The following TPTE variants were observed in gnomAD, a reference collection of about 807,000 sequenced individuals.
The protein encoded by TPTE is putative tyrosine-protein phosphatase TPTE.
Under a neutral mutation model 84.1 loss-of-function variants are expected in TPTE, and 59 were observed. That is an observed-to-expected ratio of 0.70 (90% CI 0.57 to 0.87). The LOEUF (loss-of-function observed/expected upper bound fraction) is 0.87, where lower values mean the gene tolerates loss of function less well. Ranked by LOEUF, TPTE falls within the 40% of genes least tolerant of loss-of-function variation. The pLI, the probability that TPTE is intolerant of heterozygous loss-of-function variation, is 0.00. For synonymous variants in TPTE, 130 were observed against 223.5 expected, an observed-to-expected ratio of 0.58 and a Z score of 3.73; for missense variants, 382 against 659.6, an observed-to-expected ratio of 0.58 and a Z score of 4.61.
intron 11 of TPTE, among the ~76,000 whole-genome samples, chr21:10,569,055 C>T (rs2074984843): frequency 6.6e-6 from 1 of 152,308 alleles, no homozygotes; most frequent in South Asian, 2.1e-4. Context: ...TCTTAAATCC[C>T]AAAATTAAAT....
At chr21:10,564,597 C>T (rs1275732292) in intron 10 of TPTE, among the ~76,000 whole-genome samples, 6 of 152,420 alleles carry the variant, frequency 3.9e-5, no homozygotes, top group Non-Finnish European at 7.3e-5. Context: ...ATGCAAAAAT[C>T]CTCAACAAGA....
intron 7 of TPTE, among the ~76,000 whole-genome samples, chr21:10,547,516 T>C (rs1235985158): frequency 6.6e-6 from 1 of 152,308 alleles, no homozygotes; most frequent in Non-Finnish European, 1.5e-5. Context: ...TTGCAAGCCC[T>C]CAGGCCAGTT....
chr21:10,594,525 T>TAGGAGA, intron 19 of TPTE, among the ~76,000 whole-genome samples: 1 of 152,312 alleles, frequency 6.6e-6, no homozygotes, highest in Non-Finnish European at 1.5e-5. Context: ...TTTTAAGTTG[T>TAGGAGA]AGGAGAAGGA....
intron 14 of TPTE, among the ~76,000 whole-genome samples, chr21:10,573,816 G>A (rs1365586564): frequency 6.6e-6 from 1 of 152,308 alleles, no homozygotes; most frequent in Non-Finnish European, 1.5e-5. Flanking sequence ...TCTCCAGTAG[G>A]CTACTTCAGG....
intron 1 of TPTE, among the ~76,000 whole-genome samples, chr21:10,523,588 A>T (rs2074026170): frequency 6.6e-6 from 1 of 152,304 alleles, no homozygotes; most frequent in South Asian, 2.1e-4. Context: ...ACTGAGAATG[A>T]TTTCCAATTT....
intron 7 of TPTE, among the ~76,000 whole-genome samples, chr21:10,547,884 A>G (rs1283477984): frequency 2.0e-5 from 3 of 152,426 alleles, no homozygotes; most frequent in Middle Eastern, 3.4e-3. Flanking sequence ...ATTCACTCTT[A>G]AGACAGCCAA....
intron 7 of TPTE, among the ~76,000 whole-genome samples, chr21:10,544,681 ATG>A (rs1362946577): frequency 6.6e-6 from 1 of 152,274 alleles, no homozygotes; most frequent in African/African-American, 2.4e-5. Context: ...ATCAGATTGT[ATG>A]GAGGCCCTGC....
intron 10 of TPTE, among the ~76,000 whole-genome samples, chr21:10,562,505 G>C (rs1245775832): frequency 6.6e-6 from 1 of 152,300 alleles, no homozygotes; most frequent in Non-Finnish European, 1.5e-5. Flanking sequence ...GAAACTCAAA[G>C]AAATTCAAGA....
intron 17 of TPTE, among the ~76,000 whole-genome samples, chr21:10,588,041 G>A (rs2075398617): frequency 6.6e-6 from 1 of 152,310 alleles, no homozygotes; most frequent in Non-Finnish European, 1.5e-5. Flanking sequence ...TAAAGACAGA[G>A]TTTCACTATG....
intron 5 of TPTE, among the ~76,000 whole-genome samples, chr21:10,541,433 G>A (rs1337493751): frequency 1.2e-4 from 19 of 152,390 alleles, no homozygotes; most frequent in African/African-American, 3.8e-4. Flanking sequence ...AGAACATGCC[G>A]CTGCATTCCA....
chr21:10,564,931 G>A (rs569324982), intron 10 of TPTE, among the ~76,000 whole-genome samples: 3 of 152,428 alleles, frequency 2.0e-5, no homozygotes, highest in African/African-American at 7.2e-5. Context: ...TTTTCTCTGC[G>A]ATCTAGAACA....
chr21:10,544,042 T>C (rs1363261844), intron 7 of TPTE, among the ~76,000 whole-genome samples: 1 of 152,294 alleles, frequency 6.6e-6, no homozygotes, highest in African/African-American at 2.4e-5. Context: ...GAGACTAGCA[T>C]GATCAGTGAA....
At chr21:10,561,968 C>T (rs1411816473) in intron 10 of TPTE, among the ~76,000 whole-genome samples, 1 of 152,308 alleles carries the variant, frequency 6.6e-6, no homozygotes, top group East Asian at 1.9e-4. Flanking sequence ...TGACCCAATG[C>T]AGTCACAGTA....
intron 14 of TPTE, among the ~76,000 whole-genome samples, chr21:10,573,652 T>A (rs1474852691): frequency 6.6e-5 from 10 of 152,294 alleles, no homozygotes; most frequent in Admixed American, 2.0e-4. Context: ...ACACATTGTA[T>A]ACAAGTATTG....
intron 7 of TPTE, among the ~76,000 whole-genome samples, chr21:10,546,797 C>T (rs1464870975): frequency 6.6e-6 from 1 of 152,306 alleles, no homozygotes; most frequent in African/African-American, 2.4e-5. Flanking sequence ...AAGGAAGCTA[C>T]AGAAGAAAAG....
intron 8 of TPTE, among the ~76,000 whole-genome samples, chr21:10,558,990 C>T (rs1036718617): frequency 6.6e-6 from 1 of 152,312 alleles, no homozygotes; most frequent in Non-Finnish European, 1.5e-5. Context: ...CGTTTGCAAC[C>T]TCATATGTGA....
intron 8 of TPTE, among the ~76,000 whole-genome samples, chr21:10,555,677 T>C (rs1248951091): frequency 2.0e-5 from 3 of 152,312 alleles, no homozygotes; most frequent in East Asian, 1.9e-4. Flanking sequence ...ATCATCTTTT[T>C]CTTTATTAAA....
At chr21:10,540,629 G>A (rs1196915540) in intron 4 of TPTE, 38 of 518,764 alleles carry the variant, frequency 7.3e-5, no homozygotes, top group Non-Finnish European at 1.2e-4. Context: ...CTACCGTTAT[G>A]TGAGGCTGAC....
At chr21:10,591,114 A>G (rs1199443146) in intron 18 of TPTE, among the ~76,000 whole-genome samples, 1 of 152,288 alleles carries the variant, frequency 6.6e-6, no homozygotes, top group East Asian at 1.9e-4. Flanking sequence ...TCACAACTCA[A>G]AACAAAGCCT....
Sources: allele counts gnomAD v4.1 joint callset (sites outside exome capture counted in the v4.1 genomes callset), GRCh38; gene constraint gnomAD v4.1.1; transcripts MANE v1.5; gene names NCBI Gene and HGNC (gene_info 2026-07-23, HGNC 2026-07-21).